CDKAL1: variants seen among roughly 807,000 people sequenced by gnomAD.
The protein encoded by CDKAL1 is CDKAL1 threonylcarbamoyladenosine tRNA methylthiotransferase.
CDKAL1 carries 32 observed loss-of-function variants against 68.2 expected under a neutral mutation model. The observed-to-expected ratio is 0.47, with a 90% CI of 0.35 to 0.63. The LOEUF (loss-of-function observed/expected upper bound fraction) is 0.63. Ranked by LOEUF, CDKAL1 falls within the 30% of genes least tolerant of loss-of-function variation. The pLI is 0.00. For missense variants in CDKAL1, 606 were observed against 696.7 expected (o/e 0.87, Z 1.47); for synonymous variants, 234 against 244.3 (o/e 0.96, Z 0.39).
At chr6:20,803,841 C>T (rs1254030739) in intron 8 of CDKAL1, among the ~76,000 whole-genome samples, 1 of 152,004 alleles carries the variant, frequency 6.6e-6, no homozygotes, top group East Asian at 1.9e-4. Flanking sequence ...AGAAGTGAGA[C>T]TATTTGGTAG....
At chr6:21,098,186 A>G (rs1403822022) in intron 12 of CDKAL1, among the ~76,000 whole-genome samples, 1 of 152,202 alleles carries the variant, frequency 6.6e-6, no homozygotes, top group Admixed American at 6.5e-5. Flanking sequence ...TTTTAGATAT[A>G]AAGGATGAGA....
At chr6:21,046,747 C>T (rs753128861) in intron 11 of CDKAL1, among the ~76,000 whole-genome samples, 13 of 152,228 alleles carry the variant, frequency 8.5e-5, no homozygotes, top group Non-Finnish European at 1.5e-4. Context: ...CTCTTGGCCA[C>T]CTGCCACCTC....
At chr6:20,669,765 G>C (rs963933211) in intron 5 of CDKAL1, among the ~76,000 whole-genome samples, 7 of 151,972 alleles carry the variant, frequency 4.6e-5, no homozygotes. Flanking sequence ...CTCAAGTCCT[G>C]GTTTGAGTCA....
At chr6:21,067,129 T>C (rs1399879202) in intron 12 of CDKAL1, among the ~76,000 whole-genome samples, 1 of 152,188 alleles carries the variant, frequency 6.6e-6, no homozygotes, top group Non-Finnish European at 1.5e-5. Flanking sequence ...TCCTTATAAC[T>C]ACCAGTCAGA....
chr6:20,876,382 G>A (rs4077404), intron 9 of CDKAL1, among the ~76,000 whole-genome samples: 29,628 of 152,100 alleles, frequency 0.19, 3,010 homozygotes, highest in Middle Eastern at 0.28. Flanking sequence ...AACATGACAG[G>A]ACATTCAGGG....
intron 9 of CDKAL1, among the ~76,000 whole-genome samples, chr6:20,953,696 A>G (rs1764646674): frequency 6.6e-6 from 1 of 152,354 alleles, no homozygotes; most frequent in African/African-American, 2.4e-5. Flanking sequence ...CCGTGTACAG[A>G]GAATATTTAT....
intron 10 of CDKAL1, among the ~76,000 whole-genome samples, chr6:20,958,905 AAACC>A (rs1269244818): frequency 6.6e-6 from 1 of 152,210 alleles, no homozygotes; most frequent in Non-Finnish European, 1.5e-5. Context: ...AAAAGAAAAA[AAACC>A]AAACAGTTTA....
At chr6:20,907,397 G>A (rs1469866365) in intron 9 of CDKAL1, among the ~76,000 whole-genome samples, 3 of 151,892 alleles carry the variant, frequency 2.0e-5, no homozygotes, top group African/African-American at 7.3e-5. Flanking sequence ...ACTCCAGTTT[G>A]GATGACAGAG....
intron 9 of CDKAL1, among the ~76,000 whole-genome samples, chr6:20,853,856 A>G (rs1759178684): frequency 6.6e-6 from 1 of 152,212 alleles, no homozygotes. Context: ...GTCTGAGGAA[A>G]AACCCTGGTT....
chr6:20,864,707 A>G (rs1254443649), intron 9 of CDKAL1, among the ~76,000 whole-genome samples: 2 of 152,178 alleles, frequency 1.3e-5, no homozygotes, highest in Non-Finnish European at 2.9e-5. Flanking sequence ...GTAAAATGGT[A>G]TTTCTCAAAT....
At chr6:20,766,520 G>C (rs756125727) in intron 7 of CDKAL1, among the ~76,000 whole-genome samples, 9 of 152,086 alleles carry the variant, frequency 5.9e-5, no homozygotes, top group South Asian at 4.1e-4. Flanking sequence ...ATCTTTCTTT[G>C]TTTAACTATT....
intron 9 of CDKAL1, among the ~76,000 whole-genome samples, chr6:20,888,596 C>T (rs1457498365): frequency 1.4e-4 from 20 of 145,338 alleles, no homozygotes; most frequent in Admixed American, 7.0e-4. Flanking sequence ...GTTCAATTCC[C>T]GCCTATGAGT....
chr6:20,617,945 G>A (rs1489321919), intron 4 of CDKAL1, among the ~76,000 whole-genome samples: 1 of 152,088 alleles, frequency 6.6e-6, no homozygotes, highest in African/African-American at 2.4e-5. Flanking sequence ...TAATGGGATC[G>A]CTGGGTCAAA....
chr6:21,042,535 T>C (rs1769988847), intron 11 of CDKAL1, among the ~76,000 whole-genome samples: 1 of 152,196 alleles, frequency 6.6e-6, no homozygotes, highest in African/African-American at 2.4e-5. Context: ...CCCTTTTTAC[T>C]GTCTCCACTT....
chr6:21,053,190 G>C (rs1335584151), intron 11 of CDKAL1, among the ~76,000 whole-genome samples: 1 of 152,122 alleles, frequency 6.6e-6, no homozygotes, highest in Non-Finnish European at 1.5e-5. Context: ...TCTATTCTAA[G>C]TCGTCTTCTA....
chr6:20,682,222 A>G (rs971978526), intron 5 of CDKAL1, among the ~76,000 whole-genome samples: 9 of 150,362 alleles, frequency 6.0e-5, no homozygotes, highest in African/African-American at 2.3e-4. Flanking sequence ...TAGCTGTAAT[A>G]GTCTGTACTT....
At chr6:20,804,302 C>T (rs1482027228) in intron 8 of CDKAL1, among the ~76,000 whole-genome samples, 1 of 151,980 alleles carries the variant, frequency 6.6e-6, no homozygotes, top group East Asian at 1.9e-4. Context: ...AGAAAAGAAA[C>T]AATGGTAGTA....
chr6:20,787,714 A>G (rs1157004083), intron 8 of CDKAL1, among the ~76,000 whole-genome samples: 2 of 152,184 alleles, frequency 1.3e-5, no homozygotes, highest in African/African-American at 4.8e-5. Flanking sequence ...CCAGAATCAT[A>G]TCTTTAATGG....
intron 5 of CDKAL1, among the ~76,000 whole-genome samples, chr6:20,736,961 C>G (rs1773224157): frequency 6.6e-6 from 1 of 152,160 alleles, no homozygotes; most frequent in Non-Finnish European, 1.5e-5. Context: ...AAGTTCCACT[C>G]TGCCACCAAA....
Sources: gnomAD v4.1 joint callset for allele counts (sites outside exome capture counted in the v4.1 genomes callset) on GRCh38, gnomAD v4.1.1 for gene constraint, MANE v1.5 for transcripts, NCBI Gene and HGNC (gene_info 2026-07-23, HGNC 2026-07-21) for gene names.